Variants in CDS1 observed in about 807,000 individuals in gnomAD.
CDS1 encodes the protein CDP-diacylglycerol synthase 1.
CDS1 carries 41 observed loss-of-function variants against 62.1 expected under a neutral mutation model. That is an observed-to-expected ratio of 0.66 (90% CI 0.51 to 0.86). The LOEUF is 0.86. Among genes scored for constraint, CDS1 ranks in the 40% least tolerant of loss-of-function variants. CDS1 has a pLI of 0.00. For missense variants in CDS1, 470 were observed against 550.1 expected, an observed-to-expected ratio of 0.85 and a Z score of 1.46; for synonymous variants, 185 against 192.6, an observed-to-expected ratio of 0.96 and a Z score of 0.32.
At chr4:84,644,998 G>A (rs1045052829) in intron 11 of CDS1, among the ~76,000 whole-genome samples, 2 of 152,186 alleles carry the variant, frequency 1.3e-5, no homozygotes, top group Non-Finnish European at 2.9e-5. Flanking sequence ...TTTGATGAAT[G>A]AATGCTGTGG....
At chr4:84,634,781 C>A (rs1347850645) in intron 7 of CDS1, among the ~76,000 whole-genome samples, 1 of 152,054 alleles carries the variant, frequency 6.6e-6, no homozygotes, top group African/African-American at 2.4e-5. Context: ...AGGTTCTGTA[C>A]ATTCAGTAGG....
At chr4:84,602,798 A>C (rs1000704659) in intron 1 of CDS1, among the ~76,000 whole-genome samples, 1 of 151,798 alleles carries the variant, frequency 6.6e-6, no homozygotes, top group African/African-American at 2.4e-5. Context: ...GGGATGTTCT[A>C]TCTGGTTGTT....
chr4:84,640,196 GTTGT>G (rs1006668275), intron 9 of CDS1, among the ~76,000 whole-genome samples: 28 of 148,214 alleles, frequency 1.9e-4, no homozygotes, highest in African/African-American at 6.2e-4. Context: ...AAATAAACTG[GTTGT>G]TTGGAAGCAA....
chr4:84,601,419 G>T (rs549161890), intron 1 of CDS1, among the ~76,000 whole-genome samples: 1 of 152,260 alleles, frequency 6.6e-6, no homozygotes, highest in Non-Finnish European at 1.5e-5. Flanking sequence ...AATTTCAAAT[G>T]ATGCCAGTGG....
At chr4:84,583,560 G>A (rs769510403) in intron 1 of CDS1, 42 bp downstream of exon 1, 153 of 1,264,496 alleles carry the variant, frequency 1.2e-4, no homozygotes, top group Middle Eastern at 5.7e-4. Flanking sequence ...CCCTGGCTGG[G>A]TCCTGGTTGG....
At chr4:84,626,801 CCGA>C (rs1723876455) in intron 5 of CDS1, among the ~76,000 whole-genome samples, 1 of 152,122 alleles carries the variant, frequency 6.6e-6, no homozygotes, top group Non-Finnish European at 1.5e-5. Flanking sequence ...CATTGAGGGT[CCGA>C]CTATGTATTT....
intron 2 of CDS1, among the ~76,000 whole-genome samples, chr4:84,608,558 G>T (rs901264990): frequency 6.6e-6 from 1 of 152,246 alleles, no homozygotes; most frequent in Non-Finnish European, 1.5e-5. Flanking sequence ...CCTTCCATCT[G>T]TCTTTATCCT....
intron 2 of CDS1, 136 bp downstream of exon 2, chr4:84,604,506 C>G: frequency 4.1e-6 from 3 of 728,614 alleles, no homozygotes; most frequent in Non-Finnish European, 4.6e-6. Context: ...ACCTAATATC[C>G]GAGGTATAGT....
intron 8 of CDS1, among the ~76,000 whole-genome samples, chr4:84,636,601 T>G (rs1482062238): frequency 6.6e-6 from 1 of 152,194 alleles, no homozygotes; most frequent in Non-Finnish European, 1.5e-5. Flanking sequence ...CTGGGTTCAC[T>G]GCAACCTCCG....
intron 10 of CDS1, among the ~76,000 whole-genome samples, chr4:84,641,978 A>G (rs192042344): frequency 3.4e-4 from 52 of 152,318 alleles, no homozygotes; most frequent in Non-Finnish European, 6.3e-4. Flanking sequence ...AACTTTTTAT[A>G]CTGCTAGTGT....
chr4:84,616,744 C>T (rs1057472337), intron 3 of CDS1, among the ~76,000 whole-genome samples: 12 of 152,136 alleles, frequency 7.9e-5, no homozygotes, highest in East Asian at 1.9e-4. Flanking sequence ...GTCTTGGAAT[C>T]GACAGGTCAA....
intron 7 of CDS1, 124 bp from the exon 8 acceptor site, chr4:84,635,140 A>G (rs1340779121): frequency 1.7e-6 from 1 of 593,234 alleles, no homozygotes; most frequent in Non-Finnish European, 2.9e-6. Flanking sequence ...TGTTCTGGGT[A>G]GGCTGCAGTG....
chr4:84,584,381 C>G (rs1394858886), intron 1 of CDS1, among the ~76,000 whole-genome samples: 1 of 152,204 alleles, frequency 6.6e-6, no homozygotes, highest in African/African-American at 2.4e-5. Context: ...ATCAAACCGT[C>G]TGTTTAGAAA....
rs953608493 is a variant in CDS1, at chr4:84,583,199, C to A, written c.-203C>A. ...CCGGAGCCGCGCTCGCTGCAGGCGG[C>A]CTCGAGCGCTCTCTCGTTGATGCCG... On this transcript the variant is annotated 5_prime_UTR_variant, in exon 1 of 13. Coordinates refer to ENST00000295887, the MANE Select transcript of CDS1 (RefSeq NM_001263.4). The A allele has an allele frequency of 2.7e-5, 13 of 489,936 alleles. No homozygotes were observed. The highest frequency in any genetic ancestry group is 4.3e-5 in the Non-Finnish European group (12 of 278,494). 30.3% of individuals were successfully genotyped at this position (489,936 alleles called of 1,614,324 possible). A position where few individuals can be genotyped will look rare whatever the true frequency, so the allele number is the denominator to read the frequency against.
chr4:84,604,587 T>G (rs1223771983), intron 2 of CDS1, among the ~76,000 whole-genome samples: 1 of 152,134 alleles, frequency 6.6e-6, no homozygotes, highest in African/African-American at 2.4e-5. Flanking sequence ...GAGAGGTTAA[T>G]TGTTGAAGGC....
In CDS1 at chr4:84,619,996, C is replaced by T. The variant is rs74978220; in HGVS notation, c.580+463C>T. Among the ~76,000 whole-genome samples the T allele has an allele frequency of 6.9e-3, 984 of 143,558 alleles. 12 individuals are homozygous for T. Among genetic ancestry groups the T allele is most frequent in the African/African-American group, 0.025 (940 of 38,242 alleles). 94.2% of individuals were successfully genotyped at this position (143,558 alleles called of 152,430 possible). A position where few individuals can be genotyped will look rare whatever the true frequency, so the allele number is the denominator to read the frequency against. On this transcript the variant is annotated intron_variant, in intron 5 of 12. Coordinates refer to ENST00000295887, the MANE Select transcript of CDS1 (RefSeq NM_001263.4). ...GCCGTGAGCTGAGATCACGCCATTG[C>T]ACTCCAGCCTGGGCAAAACTCTTAT...
chr4:84,590,534 A>G (rs976047470), intron 1 of CDS1, among the ~76,000 whole-genome samples: 11 of 152,244 alleles, frequency 7.2e-5, no homozygotes, highest in Non-Finnish European at 4.4e-5. Context: ...GTCATCAACT[A>G]CATCAAGCTT....
chr4:84,599,467 A>G (rs1722868432), intron 1 of CDS1, among the ~76,000 whole-genome samples: 1 of 136,944 alleles, frequency 7.3e-6, no homozygotes, highest in South Asian at 2.3e-4. Flanking sequence ...TGAAGCCATC[A>G]TTATAATCAA....
At chr4:84,623,891 TG>T (rs1723768182) in intron 5 of CDS1, among the ~76,000 whole-genome samples, 1 of 152,064 alleles carries the variant, frequency 6.6e-6, no homozygotes, top group South Asian at 2.1e-4. Flanking sequence ...CACTGACCTG[TG>T]GCCCCTCCAT....
Sources: allele counts gnomAD v4.1 joint callset (sites outside exome capture counted in the v4.1 genomes callset), GRCh38; gene constraint gnomAD v4.1.1; transcripts MANE v1.5; gene names NCBI Gene and HGNC (gene_info 2026-07-23, HGNC 2026-07-21).